Variants in TMEM87B observed in about 807,000 individuals in gnomAD.
TMEM87B encodes the protein transmembrane protein 87B.
Under a neutral mutation model 80.3 loss-of-function variants are expected in TMEM87B, and 83 were observed. The observed-to-expected ratio is 1.03, with a 90% confidence interval of 0.87 to 1.24. TMEM87B has a LOEUF of 1.24. Among genes scored for constraint, TMEM87B ranks in the 50% most tolerant of loss-of-function variants. The pLI is 0.00. For synonymous variants in TMEM87B, 219 were observed against 230.5 expected (o/e 0.95, Z 0.45); for missense variants, 625 against 674.4 (o/e 0.93, Z 0.81).
At chr2:112,063,062 C>A (rs1356012049) in intron 2 of TMEM87B, among the ~76,000 whole-genome samples, 1 of 152,208 alleles carries the variant, frequency 6.6e-6, no homozygotes, top group African/African-American at 2.4e-5. Context: ...TCTCTGGTCT[C>A]AGTTTGGTTT....
Position 112,107,812 on chromosome 2 carries a change from G to T in TMEM87B, c.1549G>T (p.Glu517Ter). 1 of 1,581,646 alleles carries T rather than the reference G, an allele frequency of 6.3e-7. No individual in the cohort carries two copies. The highest frequency in any genetic ancestry group is 8.6e-7 in the Non-Finnish European group (1 of 1,157,824). The change falls in exon 17 of 19, where the codon GAA becomes TAA. Residue 517 changes from glutamate (E) to a stop codon, truncating the protein, a stop_gained. Coordinates refer to ENST00000283206, the MANE Select transcript of TMEM87B (RefSeq NM_032824.3). LOFTEE classifies it high-confidence loss of function. ...NFDEDLKWVE[E>*]NIPSSFTDVA... is the part of the protein sequence containing the mutation. ...GGATGAAGATTTGAAGTGGGTAGAA[G>T]AAAATATTCCCTCTTCATTCACAGA...
rs866366740 is a variant in TMEM87B, at chr2:112,076,882, G to C, written c.502-310G>C. On this transcript the variant is annotated intron_variant, in intron 5 of 18. Coordinates refer to ENST00000283206, the MANE Select transcript of TMEM87B (RefSeq NM_032824.3). ...TGTGTGTGTGTGTGTGTGTGTGTGT[G>C]TGTGTGTCTGTGTGTGTGTTTAAAA... Among the ~76,000 whole-genome samples, 17 of 73,392 alleles carry C rather than the reference G, an allele frequency of 2.3e-4. No homozygotes were observed. The East Asian group carries it at 0.011, about 49-fold the overall frequency. 48.1% of individuals were successfully genotyped at this position (73,392 alleles called of 152,430 possible).
intron 4 of TMEM87B, among the ~76,000 whole-genome samples, chr2:112,068,534 C>G (rs1281783281): frequency 6.6e-6 from 1 of 151,836 alleles, no homozygotes; most frequent in Non-Finnish European, 1.5e-5. Context: ...GAAACCTCGT[C>G]TCTACTAAAA....
chr2:112,084,233 G>A (rs1217966840), intron 8 of TMEM87B, among the ~76,000 whole-genome samples: 2 of 152,138 alleles, frequency 1.3e-5, no homozygotes, highest in Non-Finnish European at 2.9e-5. Context: ...TGGAGGGATT[G>A]ACAGCACACT....
intron 5 of TMEM87B, among the ~76,000 whole-genome samples, chr2:112,075,771 C>T (rs1485606563): frequency 6.6e-6 from 1 of 152,124 alleles, no homozygotes; most frequent in Non-Finnish European, 1.5e-5. Flanking sequence ...TTCTCTTCAA[C>T]CATCCTAAAG....
intron 8 of TMEM87B, 46 bp downstream of exon 8, chr2:112,081,564 C>T: frequency 2.0e-6 from 3 of 1,538,038 alleles, no homozygotes; most frequent in Non-Finnish European, 2.6e-6. Context: ...CTAAGAGTTC[C>T]CCAGTATTTA....
At chr2:112,099,539 TATATATATATATATATAC>T (rs1027016679) in intron 14 of TMEM87B, among the ~76,000 whole-genome samples, 71 of 107,740 alleles carry the variant, frequency 6.6e-4, no homozygotes, top group Non-Finnish European at 7.5e-4. Flanking sequence ...TATATATATA[TATATATATATATATATAC>T]ACACACACAC....
chr2:112,103,241 G>GA (rs1198433228), intron 15 of TMEM87B, among the ~76,000 whole-genome samples: 1 of 152,158 alleles, frequency 6.6e-6, no homozygotes, highest in East Asian at 1.9e-4. Flanking sequence ...TAAGTTTAAT[G>GA]AAAAATACGT....
intron 2 of TMEM87B, among the ~76,000 whole-genome samples, chr2:112,060,838 A>G (rs1040353012): frequency 1.3e-5 from 2 of 152,200 alleles, no homozygotes; most frequent in African/African-American, 4.8e-5. Flanking sequence ...TGCATGGCCC[A>G]CAAGAATGGA....
chr2:112,111,746 T>C (rs931795450), intron 17 of TMEM87B, among the ~76,000 whole-genome samples: 4 of 152,224 alleles, frequency 2.6e-5, no homozygotes, highest in Non-Finnish European at 4.4e-5. Context: ...AAACAGATCA[T>C]GAATAACCAC....
intron 2 of TMEM87B, 83 bp from the exon 3 acceptor site, chr2:112,064,079 T>G (rs904594049): frequency 2.6e-5 from 31 of 1,206,104 alleles, no homozygotes; most frequent in Non-Finnish European, 3.2e-5. Context: ...GTAGCCTATT[T>G]TTAATTGCAT....
chr2:112,065,177 C>T (rs2104457358), intron 3 of TMEM87B, among the ~76,000 whole-genome samples: 1 of 152,224 alleles, frequency 6.6e-6, no homozygotes, highest in Admixed American at 6.5e-5. Flanking sequence ...TTGGATTGAA[C>T]CATGCCATTT....
chr2:112,079,885 C>T (rs1157073582), intron 6 of TMEM87B, among the ~76,000 whole-genome samples: 1 of 142,700 alleles, frequency 7.0e-6, no homozygotes, highest in Admixed American at 7.0e-5. Flanking sequence ...ATCTTTTGCT[C>T]ATTTATATGT....
chr2:112,098,178 T>C (rs954569754), intron 13 of TMEM87B, among the ~76,000 whole-genome samples: 1 of 152,140 alleles, frequency 6.6e-6, no homozygotes, highest in Non-Finnish European at 1.5e-5. Flanking sequence ...AGGTCCTCTT[T>C]TGGGGATTTG....
chr2:112,073,266 T>C (rs942397478), intron 4 of TMEM87B, among the ~76,000 whole-genome samples: 5 of 152,198 alleles, frequency 3.3e-5, no homozygotes, highest in African/African-American at 4.8e-5. Context: ...CTCTTAATAT[T>C]GCCTTAGCTA....
At chr2:112,069,317 C>T (rs189444957) in intron 4 of TMEM87B, among the ~76,000 whole-genome samples, 1 of 152,200 alleles carries the variant, frequency 6.6e-6, no homozygotes, top group East Asian at 1.9e-4. Flanking sequence ...CTACCTCCTC[C>T]CAGCCTTCAC....
chr2:112,064,613 G>A (rs1678360852), intron 3 of TMEM87B, among the ~76,000 whole-genome samples: 1 of 152,230 alleles, frequency 6.6e-6, no homozygotes, highest in African/African-American at 2.4e-5. Flanking sequence ...GATTTAGTGA[G>A]CACAAGTAGA....
At chr2:112,066,816 G>T in intron 3 of TMEM87B, 120 bp from the exon 4 acceptor site, 1 of 840,592 alleles carries the variant, frequency 1.2e-6, no homozygotes, top group Non-Finnish European at 1.8e-6. Flanking sequence ...ATTCTATTGC[G>T]TATTTCCAGG....
Position 112,081,292 on chromosome 2 carries a change from G to T in TMEM87B, c.655-43G>T. On this transcript the variant is annotated intron_variant, in intron 7 of 18. Coordinates refer to ENST00000283206, the MANE Select transcript of TMEM87B (RefSeq NM_032824.3). ...AATGTAGAAGTGCCAACTTTCAAAT[G>T]ACCAAAAGGCTTAACTGACTAAAAT... 1.9e-6 allele frequency: 3 copies of T among 1,545,234 alleles called. No homozygotes were observed. In the South Asian group the frequency reaches 3.7e-5, roughly 19 times the overall value.
Sources: gnomAD v4.1 joint callset for allele counts (sites outside exome capture counted in the v4.1 genomes callset) on GRCh38, gnomAD v4.1.1 for gene constraint, MANE v1.5 for transcripts, NCBI Gene and HGNC (gene_info 2026-07-23, HGNC 2026-07-21) for gene names.